Variants in MAD1L1 observed in about 807,000 individuals in gnomAD.
The protein encoded by MAD1L1 is mitotic arrest deficient 1 like 1, also known as mitotic spindle assembly checkpoint protein MAD1.
Under a neutral mutation model 96.9 loss-of-function variants are expected in MAD1L1, and 95 were observed. That is an observed-to-expected ratio of 0.98 (90% CI 0.83 to 1.16). The LOEUF is 1.16. Among genes scored for constraint, MAD1L1 ranks in the 50% most tolerant of loss-of-function variants. The pLI, the probability that MAD1L1 is intolerant of heterozygous loss-of-function variation, is 0.00. For synonymous variants in MAD1L1, 473 were observed against 396.6 expected, an observed-to-expected ratio of 1.19 and a Z score of -2.29; for missense variants, 1,007 against 954.4, an observed-to-expected ratio of 1.06 and a Z score of -0.73.
chr7:1,993,082 G>A (rs1463180228), intron 14 of MAD1L1, among the ~76,000 whole-genome samples: 1 of 152,140 alleles, frequency 6.6e-6, no homozygotes, highest in African/African-American at 2.4e-5. Flanking sequence ...TTATAGACTC[G>A]ATCTAAGTTT....
chr7:2,215,511 T>C (rs1310898524), intron 9 of MAD1L1, among the ~76,000 whole-genome samples: 3 of 152,076 alleles, frequency 2.0e-5, no homozygotes, highest in Non-Finnish European at 2.9e-5. Flanking sequence ...CAGGGGACAG[T>C]CCACTTCCCT....
intron 10 of MAD1L1, among the ~76,000 whole-genome samples, chr7:2,176,210 T>C (rs540931006): frequency 6.6e-6 from 1 of 152,258 alleles, no homozygotes; most frequent in Non-Finnish European, 1.5e-5. Context: ...TAGCTGGGCA[T>C]GGTGGCACAT....
At chr7:1,960,839 G>C (rs1779923346) in intron 15 of MAD1L1, among the ~76,000 whole-genome samples, 2 of 152,192 alleles carry the variant, frequency 1.3e-5, no homozygotes, top group Admixed American at 6.5e-5. Flanking sequence ...AGGAGACCCA[G>C]TCTTTTCAGG....
At chr7:2,054,039 A>C (rs1784294053) in intron 12 of MAD1L1, among the ~76,000 whole-genome samples, 1 of 152,180 alleles carries the variant, frequency 6.6e-6, no homozygotes, top group South Asian at 2.1e-4. Flanking sequence ...GGGTGCCCGC[A>C]GACAGGGCAC....
At chr7:1,936,649 G>A (rs1778619889) in intron 17 of MAD1L1, 38 bp downstream of exon 17, 1 of 1,535,396 alleles carries the variant, frequency 6.5e-7, no homozygotes. Flanking sequence ...CCCACGGAAG[G>A]TCGAGGATGG....
At chr7:2,141,108 G>A (rs1789006666) in intron 11 of MAD1L1, among the ~76,000 whole-genome samples, 1 of 152,254 alleles carries the variant, frequency 6.6e-6, no homozygotes, top group South Asian at 2.1e-4. Context: ...GCGGACGCTG[G>A]ACCCGGCCCC....
chr7:2,221,453 G>A (rs911954076), intron 5 of MAD1L1, among the ~76,000 whole-genome samples: 3 of 152,054 alleles, frequency 2.0e-5, no homozygotes, highest in Non-Finnish European at 2.9e-5. Flanking sequence ...AAGGACCCGC[G>A]GCCAGTTTCT....
intron 17 of MAD1L1, among the ~76,000 whole-genome samples, chr7:1,913,015 G>A (rs1788119857): frequency 6.6e-6 from 1 of 152,198 alleles, no homozygotes; most frequent in African/African-American, 2.4e-5. Flanking sequence ...TCTGAGAAGA[G>A]GGAAGCCTTT....
At position 2,098,728 on chromosome 7, in the gene MAD1L1, T is replaced by C. The variant is rs188208821; in HGVS notation, c.1074-29390A>G. ...CAAGGGAGCGCACTACCACACCCGA[T>C]AGCTGCCCGGCATGAGCCAGAGGCA... On this transcript the variant is annotated intron_variant, in intron 11 of 18. Coordinates refer to ENST00000265854, the MANE Select transcript of MAD1L1 (RefSeq NM_001013836.2). Among the ~76,000 whole-genome samples, 862 of 152,076 alleles carry C rather than the reference T, an allele frequency of 5.7e-3. 9 individuals are homozygous for C. The highest frequency in any genetic ancestry group is 5.7e-3 in the Non-Finnish European group (386 of 67,988).
chr7:1,984,786 A>G lies in MAD1L1; in HGVS notation c.1417-4245T>C, dbSNP rs1005277408. Among the ~76,000 whole-genome samples the G allele has an allele frequency of 1.7e-4, 26 of 152,234 alleles. 1 individual carries two copies. Among genetic ancestry groups the G allele is most frequent in the Admixed American group, 1.6e-3 (24 of 15,286 alleles). On this transcript the variant is annotated intron_variant, in intron 14 of 18. Transcript: ENST00000265854. Reference sequence around the variant, plus strand: ...TTTAATAGGAGAGTTTAGTCCAACTATAACTGGATTTGTGTCTATTTCTGT... The same window carrying G: ...TTTAATAGGAGAGTTTAGTCCAACTGTAACTGGATTTGTGTCTATTTCTGT...
At chr7:2,199,457 A>G (rs1276571140) in intron 10 of MAD1L1, among the ~76,000 whole-genome samples, 1 of 152,216 alleles carries the variant, frequency 6.6e-6, no homozygotes, top group Non-Finnish European at 1.5e-5. Context: ...CCACCCCCAC[A>G]TGCCCTGCAC....
chr7:2,004,511 C>G (rs533411568), intron 13 of MAD1L1, among the ~76,000 whole-genome samples: 2 of 152,190 alleles, frequency 1.3e-5, no homozygotes, highest in Non-Finnish European at 2.9e-5. Context: ...CAGGGTCGTC[C>G]GGAAGCAGCA....
intron 11 of MAD1L1, among the ~76,000 whole-genome samples, chr7:2,129,481 C>G (rs955973710): frequency 6.6e-6 from 1 of 152,224 alleles, no homozygotes; most frequent in African/African-American, 2.4e-5. Flanking sequence ...GGGTCTGAAT[C>G]CGTCACCTGC....
intron 17 of MAD1L1, among the ~76,000 whole-genome samples, chr7:1,926,469 T>A (rs1047436465): frequency 6.6e-6 from 1 of 152,242 alleles, no homozygotes; most frequent in African/African-American, 2.4e-5. Flanking sequence ...TGAAGATTAC[T>A]GACGATGTCA....
chr7:1,989,013 G>A (rs1028830735), intron 14 of MAD1L1, among the ~76,000 whole-genome samples: 2 of 152,236 alleles, frequency 1.3e-5, no homozygotes, highest in Non-Finnish European at 2.9e-5. Context: ...TACCTGAGAA[G>A]GGTCTAGTGT....
At chr7:1,993,842 C>G (rs1011864324) in intron 14 of MAD1L1, among the ~76,000 whole-genome samples, 2 of 152,242 alleles carry the variant, frequency 1.3e-5, no homozygotes, top group East Asian at 1.9e-4. Context: ...CCTGTCCCCA[C>G]TCAGCACTCG....
At chr7:2,116,114 C>T (rs1419817642) in intron 11 of MAD1L1, among the ~76,000 whole-genome samples, 1 of 152,250 alleles carries the variant, frequency 6.6e-6, no homozygotes, top group Non-Finnish European at 1.5e-5. Context: ...AGCTGAAGGG[C>T]GTGAGCAGGA....
At chr7:1,956,618 G>A (rs137971316) in intron 16 of MAD1L1, among the ~76,000 whole-genome samples, 1 of 138,200 alleles carries the variant, frequency 7.2e-6, no homozygotes, top group Non-Finnish European at 1.6e-5. Context: ...GCAGAGCTCA[G>A]GAGAGGGTCA....
chr7:2,138,953 T>G (rs75566948), intron 11 of MAD1L1, among the ~76,000 whole-genome samples: 7,573 of 152,190 alleles, frequency 0.05, 637 homozygotes, highest in African/African-American at 0.17. Flanking sequence ...ATTTTCCAGA[T>G]GAAAAGCAGG....
Sources: gnomAD v4.1 joint callset for allele counts (sites outside exome capture counted in the v4.1 genomes callset) on GRCh38, gnomAD v4.1.1 for gene constraint, MANE v1.5 for transcripts, NCBI Gene and HGNC (gene_info 2026-07-23, HGNC 2026-07-21) for gene names.